The following CFAP54 variants were observed in gnomAD, a reference collection of about 807,000 sequenced individuals.
CFAP54 encodes the protein cilia- and flagella-associated protein 54.
Under a neutral mutation model 370.4 loss-of-function variants are expected in CFAP54, and 290 were observed. The ratio of observed to expected loss-of-function variants is 0.78; its 90% CI spans 0.71 to 0.86. The LOEUF is 0.86. CFAP54 is among the 40% of genes least tolerant of loss of function. The pLI is 0.00. For missense variants in CFAP54, 3,399 were observed against 3,528.7 expected (o/e 0.96, Z 0.93); for synonymous variants, 1,206 against 1,236.5 (o/e 0.98, Z 0.52).
intron 66 of CFAP54, among the ~76,000 whole-genome samples, chr12:96,850,782 G>A (rs1453767651): frequency 6.6e-6 from 1 of 152,190 alleles, no homozygotes; most frequent in Non-Finnish European, 1.5e-5. Context: ...AAGAGAGAGA[G>A]CATGGCAGCA....
chr12:96,604,370 C>G (rs1168932033), intron 26 of CFAP54, among the ~76,000 whole-genome samples: 1 of 152,146 alleles, frequency 6.6e-6, no homozygotes, highest in Non-Finnish European at 1.5e-5. Flanking sequence ...GTCTGTTGGC[C>G]CTACTGGCAG....
chr12:96,503,009 C>T (rs1955047668), intron 2 of CFAP54, among the ~76,000 whole-genome samples: 1 of 151,262 alleles, frequency 6.6e-6, no homozygotes, highest in African/African-American at 2.4e-5. Flanking sequence ...CTCTTCCTTC[C>T]TCTCTCCCTC....
chr12:96,579,418 T>C (rs1275923320), intron 20 of CFAP54, among the ~76,000 whole-genome samples: 1 of 152,222 alleles, frequency 6.6e-6, no homozygotes, highest in East Asian at 1.9e-4. Context: ...TGTACAAATT[T>C]GTATTTTAAA....
chr12:96,603,183 C>A (rs1414435600), intron 26 of CFAP54, among the ~76,000 whole-genome samples: 1 of 152,168 alleles, frequency 6.6e-6, no homozygotes, highest in Non-Finnish European at 1.5e-5. Flanking sequence ...ATTTACTTGT[C>A]TGTAAGGGAT....
chr12:96,572,330 C>T (rs1362598), intron 19 of CFAP54, among the ~76,000 whole-genome samples: 49,087 of 152,000 alleles, frequency 0.32, 8,093 homozygotes, highest in South Asian at 0.39. Flanking sequence ...GAGGAGGTGA[C>T]ATTTGTGTGG....
intron 66 of CFAP54, among the ~76,000 whole-genome samples, chr12:96,848,995 T>C (rs1959456751): frequency 6.6e-6 from 1 of 152,188 alleles, no homozygotes; most frequent in Non-Finnish European, 1.5e-5. Context: ...AAAGCAAATA[T>C]ATCTAGGTCC....
chr12:96,823,740 A>G (rs1237841593), intron 65 of CFAP54, among the ~76,000 whole-genome samples: 1 of 152,148 alleles, frequency 6.6e-6, no homozygotes, highest in Admixed American at 6.5e-5. Flanking sequence ...TTGATGTTGA[A>G]TGGATAAATG....
At chr12:96,778,322 TTATC>T (rs763460184) in intron 60 of CFAP54, among the ~76,000 whole-genome samples, 107 of 152,336 alleles carry the variant, frequency 7.0e-4, no homozygotes, top group Non-Finnish European at 1.1e-3. Context: ...ACTAATGCAT[TTATC>T]TAGCTTTGAG....
chr12:96,771,545 G>A lies in CFAP54; in HGVS notation c.8281+6327G>A, dbSNP rs550096380. On this transcript the variant is annotated intron_variant, in intron 60 of 67. Transcript: ENST00000524981. ...TGGGCCCCTGTAGTCCCAGCTACTC[G>A]GGAGGCTGAGGCAGGAGAATGGCGT... 2.0e-3 allele frequency among the ~76,000 whole-genome samples: 305 copies of A among 152,246 alleles called. 1 individual carries two copies. Among genetic ancestry groups the A allele is most frequent in the African/African-American group, 6.8e-3 (282 of 41,544 alleles).
At position 96,540,920 on chromosome 12, in the gene CFAP54, C is replaced by G; in HGVS notation, c.2010C>G (p.Val670=). The G allele has an allele frequency of 2.0e-6, 3 of 1,521,834 alleles. No homozygotes were observed. The highest frequency in any genetic ancestry group is 2.6e-6 in the Non-Finnish European group (3 of 1,140,758). The allele number at this position is 1,521,834 out of a possible 1,614,324, so 94.3% of individuals were successfully genotyped here. Residue 670 remains valine (V), a synonymous_variant, in exon 14 of 68, where the codon GTC becomes GTG. Transcript: ENST00000524981. ...EDIDIVVVAE[V]TLRLSEILES... ...TTGACATTGTGGTAGTGGCAGAAGT[C>G]ACATTACGGTTAAGTGAAATATTGG...
chr12:96,803,073 A>G (rs1054594307), intron 63 of CFAP54, among the ~76,000 whole-genome samples: 1 of 152,098 alleles, frequency 6.6e-6, no homozygotes, highest in Non-Finnish European at 1.5e-5. Flanking sequence ...TATCCAGTCT[A>G]TCATTGATGG....
chr12:96,586,000 A>G (rs1203288947), intron 22 of CFAP54, among the ~76,000 whole-genome samples: 1 of 152,158 alleles, frequency 6.6e-6, no homozygotes, highest in Non-Finnish European at 1.5e-5. Flanking sequence ...GTTATAGTCT[A>G]GTACAACTGC....
intron 47 of CFAP54, among the ~76,000 whole-genome samples, chr12:96,705,794 G>A (rs1447316726): frequency 1.3e-5 from 2 of 152,244 alleles, no homozygotes; most frequent in African/African-American, 4.8e-5. Context: ...GTGTTAAATA[G>A]TATTACTAAT....
intron 59 of CFAP54, among the ~76,000 whole-genome samples, chr12:96,764,863 T>C (rs1958382836): frequency 6.6e-6 from 1 of 152,216 alleles, no homozygotes; most frequent in Non-Finnish European, 1.5e-5. Context: ...ATTTATGCAT[T>C]AATTAAATTG....
chr12:96,560,079 G>GTAATT (rs1955799557), intron 17 of CFAP54, among the ~76,000 whole-genome samples: 1 of 152,066 alleles, frequency 6.6e-6, no homozygotes. Flanking sequence ...TCAACCCAGG[G>GTAATT]TAATTAGGAT....
intron 55 of CFAP54, 48 bp downstream of exon 55, chr12:96,744,194 T>C (rs756856199): frequency 6.7e-7 from 1 of 1,501,544 alleles, no homozygotes; most frequent in Non-Finnish European, 9.1e-7. Context: ...GATAAAACTT[T>C]TTAAGTTATT....
chr12:96,558,181 T>A (rs1327155935), intron 17 of CFAP54, among the ~76,000 whole-genome samples: 1 of 152,150 alleles, frequency 6.6e-6, no homozygotes, highest in Non-Finnish European at 1.5e-5. Context: ...ACATACATGA[T>A]AAATATATTT....
At chr12:96,763,388 G>A (rs1323411534) in intron 58 of CFAP54, among the ~76,000 whole-genome samples, 2 of 152,014 alleles carry the variant, frequency 1.3e-5, no homozygotes, top group Non-Finnish European at 2.9e-5. Flanking sequence ...AGCAAATACT[G>A]CCAAAAATCT....
rs201084776 is a variant in CFAP54 at position 96,608,496 on chromosome 12, C to CGG, written c.3639+9729_3639+9730insGG. 8.4e-3 allele frequency among the ~76,000 whole-genome samples: 1,158 copies of CGG among 137,446 alleles called. 45 individuals carry two copies. In the East Asian group the frequency reaches 0.095, roughly 11 times the overall value. 90.2% of individuals were successfully genotyped at this position (137,446 alleles called of 152,430 possible). ...TTTTTTTTTGAGGCAGAGTCTCACT[C>CGG]TATCACCCAGGCTGGAGTGCAGTGG... is the stretch of plus-strand genomic sequence containing the variant. On this transcript the variant is annotated intron_variant, in intron 26 of 67. Transcript: ENST00000524981.
Sources: allele counts gnomAD v4.1 joint callset (sites outside exome capture counted in the v4.1 genomes callset), GRCh38; gene constraint gnomAD v4.1.1; transcripts MANE v1.5; gene names NCBI Gene and HGNC (gene_info 2026-07-23, HGNC 2026-07-21).